USB1: variants seen among roughly 807,000 people sequenced by gnomAD.
The protein encoded by USB1 is U6 snRNA phosphodiesterase 1.
In USB1, 21 loss-of-function variants were observed where a neutral mutation model predicts 29.9. That is an observed-to-expected ratio of 0.70 (90% confidence interval 0.50 to 1.01). USB1 has a LOEUF of 1.01. Ranked by LOEUF, USB1 falls within the 50% of genes least tolerant of loss-of-function variation. The pLI is 0.00. For missense variants in USB1, 330 were observed against 347.1 expected (o/e 0.95, Z 0.39); for synonymous variants, 143 against 134.9 (o/e 1.06, Z -0.42).
At chr16:58,003,056 C>G (rs561353944) in intron 2 of USB1, among the ~76,000 whole-genome samples, 41 of 152,274 alleles carry the variant, frequency 2.7e-4, no homozygotes, top group South Asian at 2.1e-3. Context: ...AGACCTCACT[C>G]CGCTGCCCAC....
At chr16:58,009,649 C>T (rs951659481) in intron 2 of USB1, among the ~76,000 whole-genome samples, 2 of 151,060 alleles carry the variant, frequency 1.3e-5, no homozygotes, top group Admixed American at 6.6e-5. Context: ...GGCATGAACC[C>T]GGGAAACGGA....
At chr16:58,015,939 T>G (rs1963605168) in intron 4 of USB1, 1 of 152,248 alleles carries the variant, frequency 6.6e-6, no homozygotes, top group Admixed American at 6.5e-5. Flanking sequence ...GTAAGGAGTT[T>G]GAATTTTCAG....
Position 58,020,150 on chromosome 16 carries a change from G to T in USB1, c.703G>T (p.Asp235Tyr). ...TGGCTGCTGTTTTAAGGCAATCGTG[G>T]ATGGGTTTGAAGATGCTGAGGTGCT... Reference protein sequence around the residue: ...QCLQELQAIVDGFEDAEVLLR... With the variant: ...QCLQELQAIVYGFEDAEVLLR... Residue 235 changes from aspartate to tyrosine, a missense_variant, in exon 7 of 7, where the codon GAT becomes TAT. Coordinates refer to ENST00000219281, the MANE Select transcript of USB1 (RefSeq NM_024598.4). 1 of 1,614,180 alleles carries T rather than the reference G, an allele frequency of 6.2e-7. No homozygotes were observed.
At position 58,013,811 on chromosome 16, in the gene USB1, C is replaced by T. The variant is rs867728422; in HGVS notation, c.450-462C>T. On this transcript the variant is annotated intron_variant, in intron 3 of 6. Coordinates refer to ENST00000219281, the MANE Select transcript of USB1 (RefSeq NM_024598.4). The surrounding 1 kb of genome is among the most constrained non-coding windows in gnomAD (Gnocchi z 4.3). ...CTGCTCACAGAGTTGTGTGAGGATTCGAGAAACAGAGTGTGCAAAGGCTTG... is the reference window on the plus strand; with the variant it reads ...CTGCTCACAGAGTTGTGTGAGGATTTGAGAAACAGAGTGTGCAAAGGCTTG... 3 of 202,476 alleles carry T rather than the reference C, an allele frequency of 1.5e-5. No homozygotes were observed. The highest frequency in any genetic ancestry group is 2.3e-4 in the South Asian group (2 of 8,602). 12.5% of individuals were successfully genotyped at this position (202,476 alleles called of 1,614,324 possible). A position where few individuals can be genotyped will look rare whatever the true frequency, so the allele number is the denominator to read the frequency against.
At chr16:58,010,283 C>T in intron 3 of USB1, 171 bp downstream of exon 3, 3 of 762,606 alleles carry the variant, frequency 3.9e-6, no homozygotes, top group Admixed American at 2.5e-5. Flanking sequence ...TTGGGCATGC[C>T]GTGGAAGCTC....
chr16:58,020,486 TC>T lies in USB1; in HGVS notation c.*242del. On this transcript the variant is annotated 3_prime_UTR_variant, in exon 7 of 7. Coordinates refer to ENST00000219281, the MANE Select transcript of USB1 (RefSeq NM_024598.4). ...CTCTCCTCTGTCTCTCTTCCTCTCC[TC>T]TCTTCCTCTCTTCTCTCTTCCTCTC... The T allele has an allele frequency of 1.8e-6, 1 of 561,582 alleles. No homozygotes were observed. The highest frequency in any genetic ancestry group is 3.2e-6 in the Non-Finnish European group (1 of 312,984). The allele number at this position is 561,582 out of a possible 1,614,324, so 34.8% of individuals were successfully genotyped here.
chr16:58,016,818 T>G (rs573981176), intron 4 of USB1: 3 of 190,246 alleles, frequency 1.6e-5, no homozygotes, highest in African/African-American at 7.0e-5. Flanking sequence ...GAGAAAGAGA[T>G]AGTGATGGTG....
In USB1 at chr16:58,001,461, C is replaced by A; in HGVS notation, c.-23C>A. 1 of 1,584,080 alleles carries A rather than the reference C, an allele frequency of 6.3e-7. No homozygotes were observed. Among genetic ancestry groups the A allele is most frequent in the Non-Finnish European group, 8.6e-7 (1 of 1,166,096 alleles). On this transcript the variant is annotated 5_prime_UTR_variant, in exon 1 of 7. The change creates a new upstream start codon in the 5' untranslated region. Coordinates refer to ENST00000219281, the MANE Select transcript of USB1 (RefSeq NM_024598.4). ...GGTTGAGGTTGCTGGTGGACCTGCT[C>A]TGGTGGTCTTGGATGAGGCCCCATG...
At chr16:58,012,040 A>G (rs1963508370) in intron 3 of USB1, 1 of 1,244,378 alleles carries the variant, frequency 8.0e-7, no homozygotes, top group Non-Finnish European at 1.0e-6. Flanking sequence ...GTGGCTGTGT[A>G]AAACAGAAAT....
intron 2 of USB1, among the ~76,000 whole-genome samples, chr16:58,008,345 A>G (rs1963408276): frequency 6.6e-6 from 1 of 151,842 alleles, no homozygotes; most frequent in Non-Finnish European, 1.5e-5. Context: ...TTTCTGCTCT[A>G]ATTTTAATTA....
chr16:58,002,749 T>C (rs1854996202), intron 2 of USB1, 104 bp downstream of exon 2: 4 of 1,468,942 alleles, frequency 2.7e-6, no homozygotes, highest in Non-Finnish European at 3.7e-6. Flanking sequence ...CAGAAACCTC[T>C]AACACTGGTG....
rs550264407 is a variant in USB1 at position 58,014,951 on chromosome 16, G to A, written c.503+625G>A. Among the ~76,000 whole-genome samples the A allele has an allele frequency of 1.4e-3, 218 of 152,076 alleles. 2 individuals carry two copies. The highest frequency in any genetic ancestry group is 4.8e-3 in the African/African-American group (199 of 41,470). On this transcript the variant is annotated intron_variant, in intron 4 of 6. Coordinates refer to ENST00000219281, the MANE Select transcript of USB1 (RefSeq NM_024598.4). ...AAATTAGCTGGGTGTGGTGGCAGGC[G>A]CCTGTAATCCCAGCTACTCGAGAGG...
chr16:58,012,585 T>G lies in USB1; in HGVS notation c.450-1688T>G, dbSNP rs1052015157. On this transcript the variant is annotated intron_variant, in intron 3 of 6. Coordinates refer to ENST00000219281, the MANE Select transcript of USB1 (RefSeq NM_024598.4). ...CCAGCCTGGAAAGACAGCCTCCCTC[T>G]CTGATTGGCTTCAGCACAAGTCACA... The G allele has an allele frequency of 6.9e-5, 96 of 1,394,780 alleles. 3 individuals carry two copies. In the South Asian group the frequency reaches 9.7e-4, roughly 14 times the overall value. 86.4% of individuals were successfully genotyped at this position (1,394,780 alleles called of 1,614,324 possible).
chr16:58,008,066 C>T (rs1445925895), intron 2 of USB1, among the ~76,000 whole-genome samples: 5 of 152,088 alleles, frequency 3.3e-5, no homozygotes, highest in African/African-American at 9.7e-5. Flanking sequence ...TTTAGCAGAT[C>T]GGGTCTTTCA....
chr16:58,011,889 G>A (rs1442772661), intron 3 of USB1: 1 of 999,940 alleles, frequency 1.0e-6, no homozygotes, highest in African/African-American at 1.7e-5. Context: ...CGGGAATGAG[G>A]GAGCCTAGAG....
intron 2 of USB1, among the ~76,000 whole-genome samples, chr16:58,006,395 C>T (rs1963358810): frequency 1.3e-5 from 2 of 150,538 alleles, no homozygotes; most frequent in East Asian, 1.9e-4. Flanking sequence ...CACAGTGGCT[C>T]ACACCTGTAA....
chr16:58,007,011 T>C (rs945519047), intron 2 of USB1, among the ~76,000 whole-genome samples: 26 of 152,252 alleles, frequency 1.7e-4, no homozygotes, highest in African/African-American at 6.3e-4. Flanking sequence ...ATTGGATGGA[T>C]TACATTAATT....
At chr16:58,002,109 G>T (rs533635029) in intron 1 of USB1, among the ~76,000 whole-genome samples, 2 of 152,298 alleles carry the variant, frequency 1.3e-5, no homozygotes, top group Non-Finnish European at 2.9e-5. Context: ...TCCCACAATT[G>T]CTCTATCAGG....
At chr16:58,010,412 C>T (rs1203572703) in intron 3 of USB1, among the ~76,000 whole-genome samples, 1 of 152,188 alleles carries the variant, frequency 6.6e-6, no homozygotes, top group Non-Finnish European at 1.5e-5. Flanking sequence ...TCCACACCAA[C>T]AAATTATCCA....
Sources: allele counts gnomAD v4.1 joint callset (sites outside exome capture counted in the v4.1 genomes callset), GRCh38; gene constraint gnomAD v4.1.1; non-coding constraint Gnocchi (gnomAD v3.1); transcripts MANE v1.5; gene names NCBI Gene and HGNC (gene_info 2026-07-23, HGNC 2026-07-21).